The following NLGN1 variants were observed in gnomAD, a reference collection of about 807,000 sequenced individuals.
The protein encoded by NLGN1 is neuroligin 1.
NLGN1 carries 12 observed loss-of-function variants against 65.5 expected under a neutral mutation model. That is an observed-to-expected ratio of 0.18 (90% CI 0.12 to 0.30). NLGN1 has a LOEUF of 0.30. NLGN1 is among the 10% of genes least tolerant of loss of function. NLGN1 has a pLI of 1.00. For synonymous variants in NLGN1, 350 were observed against 359.5 expected (o/e 0.97, Z 0.30); for missense variants, 750 against 1,007.1 (o/e 0.74, Z 3.46).
intron 4 of NLGN1, among the ~76,000 whole-genome samples, chr3:173,854,141 C>G (rs1193686634): frequency 6.6e-6 from 1 of 151,910 alleles, no homozygotes; most frequent in African/African-American, 2.4e-5. Flanking sequence ...GCAAGATACA[C>G]TTTTAATATG....
chr3:173,677,373 T>C (rs1218902133), intron 3 of NLGN1, among the ~76,000 whole-genome samples: 1 of 152,062 alleles, frequency 6.6e-6, no homozygotes. Flanking sequence ...TGTTAGCCTT[T>C]CTTGCATGTA....
At chr3:173,958,403 GCTTTCAACAA>G (rs1712666627) in intron 4 of NLGN1, among the ~76,000 whole-genome samples, 1 of 152,082 alleles carries the variant, frequency 6.6e-6, no homozygotes, top group South Asian at 2.1e-4. Flanking sequence ...TGAGTGTTCA[GCTTTCAACAA>G]CTGGAGACCC....
intron 2 of NLGN1, among the ~76,000 whole-genome samples, chr3:173,521,574 C>A (rs947289249): frequency 1.3e-5 from 2 of 152,164 alleles, no homozygotes; most frequent in Admixed American, 1.3e-4. Flanking sequence ...AAATTCTGAG[C>A]CTTTTTTCTG....
intron 2 of NLGN1, among the ~76,000 whole-genome samples, chr3:173,557,189 AC>A (rs1741849329): frequency 6.6e-6 from 1 of 152,020 alleles, no homozygotes; most frequent in Non-Finnish European, 1.5e-5. Flanking sequence ...TGATGAATGG[AC>A]CTTTTTATAA....
At chr3:174,024,925 T>A (rs1325751976) in intron 4 of NLGN1, among the ~76,000 whole-genome samples, 1 of 152,196 alleles carries the variant, frequency 6.6e-6, no homozygotes, top group African/African-American at 2.4e-5. Context: ...CATTTAATTG[T>A]ACAAGCTCAA....
intron 4 of NLGN1, among the ~76,000 whole-genome samples, chr3:173,854,994 T>C (rs1727687346): frequency 6.6e-6 from 1 of 152,144 alleles, no homozygotes; most frequent in Non-Finnish European, 1.5e-5. Flanking sequence ...TACAGAGCAG[T>C]GTGTCTCTCC....
intron 4 of NLGN1, among the ~76,000 whole-genome samples, chr3:174,051,434 G>C (rs1734848568): frequency 6.6e-6 from 1 of 152,176 alleles, no homozygotes; most frequent in Non-Finnish European, 1.5e-5. Context: ...AAACCAAGGA[G>C]AGCTCCCATT....
intron 4 of NLGN1, among the ~76,000 whole-genome samples, chr3:174,032,946 G>A (rs1331796578): frequency 6.6e-6 from 1 of 151,700 alleles, no homozygotes; most frequent in African/African-American, 2.4e-5. Flanking sequence ...GACAGTGGGG[G>A]ACAGAAGCAA....
chr3:174,265,388 C>A (rs867638129), intron 4 of NLGN1, among the ~76,000 whole-genome samples: 148 of 152,210 alleles, frequency 9.7e-4, no homozygotes, highest in African/African-American at 3.4e-3. Context: ...TGTGGTGCGC[C>A]GTTTTTTAAG....
intron 2 of NLGN1, among the ~76,000 whole-genome samples, chr3:173,543,892 G>A (rs1330557879): frequency 6.6e-6 from 1 of 152,064 alleles, no homozygotes; most frequent in Non-Finnish European, 1.5e-5. Context: ...AAACATAGGT[G>A]AATGACAGTA....
At position 173,922,760 on chromosome 3, in the gene NLGN1, A is replaced by G. The variant is rs115998066; in HGVS notation, c.646+114928A>G. 9.9e-3 allele frequency among the ~76,000 whole-genome samples: 1,507 copies of G among 152,212 alleles called. 15 individuals are homozygous for G. Among genetic ancestry groups the G allele is most frequent in the Non-Finnish European group, 0.014 (956 of 67,970 alleles). On this transcript the variant is annotated intron_variant, in intron 4 of 6. Transcript: ENST00000457714. ...CTAATGCCATGTGTCGTCTCTGGAA[A>G]GCAATTTCCCCAACTGATAGAATAA...
At chr3:173,925,047 AAAT>A (rs1742763001) in intron 4 of NLGN1, among the ~76,000 whole-genome samples, 3 of 152,166 alleles carry the variant, frequency 2.0e-5, no homozygotes, top group Non-Finnish European at 2.9e-5. Context: ...TTAATAAAAG[AAAT>A]AATAACACAG....
intron 4 of NLGN1, among the ~76,000 whole-genome samples, chr3:174,009,801 C>T (rs1217329006): frequency 6.6e-6 from 1 of 152,068 alleles, no homozygotes; most frequent in Non-Finnish European, 1.5e-5. Context: ...AGACAGGAAA[C>T]ATGGGAAGCC....
chr3:173,844,967 G>T (rs1372990316), intron 4 of NLGN1, among the ~76,000 whole-genome samples: 1 of 152,186 alleles, frequency 6.6e-6, no homozygotes, highest in African/African-American at 2.4e-5. Context: ...GAAGTTCTTT[G>T]TACTCATAAA....
chr3:174,154,742 CAT>C (rs1440512341), intron 4 of NLGN1, among the ~76,000 whole-genome samples: 7 of 149,996 alleles, frequency 4.7e-5, no homozygotes, highest in African/African-American at 1.7e-4. Context: ...GATGGTTGTG[CAT>C]ATGTTTGTAT....
intron 4 of NLGN1, among the ~76,000 whole-genome samples, chr3:174,078,995 G>GGGGT (rs1553928493): frequency 6.9e-6 from 1 of 145,876 alleles, no homozygotes; most frequent in Non-Finnish European, 1.5e-5. Context: ...GTAATACAAC[G>GGGGT]GTGTGTGTGT....
intron 4 of NLGN1, among the ~76,000 whole-genome samples, chr3:173,960,413 A>G (rs1045285776): frequency 6.6e-6 from 1 of 151,954 alleles, no homozygotes; most frequent in African/African-American, 2.4e-5. Context: ...TCTAAGTGGA[A>G]TTTTTGTTTC....
At chr3:173,927,903 C>A (rs1288610893) in intron 4 of NLGN1, among the ~76,000 whole-genome samples, 1 of 152,098 alleles carries the variant, frequency 6.6e-6, no homozygotes, top group Non-Finnish European at 1.5e-5. Flanking sequence ...GGGAGAGGGG[C>A]TCCAAGAGTC....
intron 1 of NLGN1, among the ~76,000 whole-genome samples, chr3:173,412,294 G>A (rs1712728072): frequency 7.0e-6 from 1 of 142,282 alleles, no homozygotes; most frequent in African/African-American, 2.7e-5. Flanking sequence ...AGTGCTCAAT[G>A]CATTCTCTCT....
Sources: gnomAD v4.1 joint callset for allele counts (sites outside exome capture counted in the v4.1 genomes callset) on GRCh38, gnomAD v4.1.1 for gene constraint, MANE v1.5 for transcripts, NCBI Gene and HGNC (gene_info 2026-07-23, HGNC 2026-07-21) for gene names.